FTO: variants seen among roughly 807,000 people sequenced by gnomAD.
The protein encoded by FTO is alpha-ketoglutarate-dependent dioxygenase FTO.
Under a neutral mutation model 63.9 loss-of-function variants are expected in FTO, and 47 were observed. The ratio of observed to expected loss-of-function variants is 0.74; its 90% CI spans 0.58 to 0.94. The LOEUF (loss-of-function observed/expected upper bound fraction) is 0.94, where lower values mean the gene tolerates loss of function less well. FTO is among the 40% of genes least tolerant of loss of function. FTO has a pLI of 0.00. For missense variants in FTO, 562 were observed against 618.1 expected, an observed-to-expected ratio of 0.91 and a Z score of 0.96; for synonymous variants, 207 against 224.4, an observed-to-expected ratio of 0.92 and a Z score of 0.69.
At chr16:54,102,678 T>C (rs1405531975) in intron 8 of FTO, among the ~76,000 whole-genome samples, 2 of 152,194 alleles carry the variant, frequency 1.3e-5, no homozygotes, top group Admixed American at 1.3e-4. Context: ...ATTGTTTATA[T>C]AGAAGCTGTC....
intron 8 of FTO, among the ~76,000 whole-genome samples, chr16:54,057,812 C>CAT (rs2144367261): frequency 6.6e-6 from 1 of 152,238 alleles, no homozygotes; most frequent in East Asian, 1.9e-4. Flanking sequence ...AGATGTGAGT[C>CAT]ATACCCTGGG....
Position 54,116,897 on chromosome 16 carries a change from C to G in FTO, c.*4982C>G, listed in dbSNP as rs563549708. ...GCTTTCCACCCCGGTTCCCAGGCAG[C>G]CCTGCTCCCATAGTCCTGTGTCCCA... On this transcript the variant is annotated 3_prime_UTR_variant, in exon 9 of 9. Transcript: ENST00000471389. 1.3e-5 allele frequency: 2 copies of G among 152,514 alleles called. No individual in the cohort carries two copies. The highest frequency in any genetic ancestry group is 2.9e-5 in the Non-Finnish European group (2 of 68,310). The allele number at this position is 152,514 out of a possible 1,614,324, so 9.4% of individuals were successfully genotyped here. A position where few individuals can be genotyped will look rare whatever the true frequency, so the allele number is the denominator to read the frequency against.
At chr16:53,795,920 C>T (rs1333746475) in intron 1 of FTO, among the ~76,000 whole-genome samples, 1 of 152,042 alleles carries the variant, frequency 6.6e-6, no homozygotes, top group African/African-American at 2.4e-5. Context: ...CAGATACTTT[C>T]AGATATAAAG....
intron 4 of FTO, among the ~76,000 whole-genome samples, chr16:53,852,101 C>CAAAAAAA (rs57004473): frequency 0.034 from 1,828 of 54,314 alleles, 176 homozygotes; most frequent in African/African-American, 0.084. Context: ...ACAAAAAATA[C>CAAAAAAA]AAAAAAAAAA....
At chr16:54,095,001 C>T (rs2086482650) in intron 8 of FTO, among the ~76,000 whole-genome samples, 1 of 152,138 alleles carries the variant, frequency 6.6e-6, no homozygotes, top group African/African-American at 2.4e-5. Context: ...TCCTCTCCAT[C>T]CCCTCTCTTT....
intron 8 of FTO, among the ~76,000 whole-genome samples, chr16:54,081,704 A>G (rs967785710): frequency 6.6e-6 from 1 of 152,212 alleles, no homozygotes; most frequent in Non-Finnish European, 1.5e-5. Context: ...CAGAAATTCA[A>G]AATGAACAGC....
At chr16:53,961,447 T>C (rs1016759569) in intron 8 of FTO, among the ~76,000 whole-genome samples, 1 of 152,206 alleles carries the variant, frequency 6.6e-6, no homozygotes, top group African/African-American at 2.4e-5. Context: ...GAAGTTTTTC[T>C]TTATGGTAAT....
In FTO at chr16:53,758,782, A is replaced by G. The variant is rs1348679739; in HGVS notation, c.46-51358A>G. Among the ~76,000 whole-genome samples the G allele has an allele frequency of 2.3e-4, 35 of 152,216 alleles. 1 individual carries two copies. On this transcript the variant is annotated intron_variant, in intron 1 of 8. Coordinates refer to ENST00000471389, the MANE Select transcript of FTO (RefSeq NM_001080432.3). ...AATTTCAAAACAAATTATAATTAAT[A>G]TTCCCAGAGAGATGAGAGAAAATAC...
At chr16:53,804,069 G>A (rs2078293319) in intron 1 of FTO, among the ~76,000 whole-genome samples, 1 of 152,194 alleles carries the variant, frequency 6.6e-6, no homozygotes, top group Non-Finnish European at 1.5e-5. Context: ...GGCTGTTTAT[G>A]TGCCAGACAC....
At chr16:53,866,960 T>A (rs1392916537) in intron 4 of FTO, among the ~76,000 whole-genome samples, 1 of 152,156 alleles carries the variant, frequency 6.6e-6, no homozygotes, top group Non-Finnish European at 1.5e-5. Context: ...CTTATTGATT[T>A]TAGATCTTTC....
chr16:54,103,339 A>G (rs913321590), intron 8 of FTO, among the ~76,000 whole-genome samples: 8 of 152,202 alleles, frequency 5.3e-5, no homozygotes, highest in African/African-American at 1.9e-4. Flanking sequence ...GTAGATGTAT[A>G]TACAACTGGA....
chr16:53,779,856 C>T (rs1394388729), intron 1 of FTO, among the ~76,000 whole-genome samples: 1 of 152,146 alleles, frequency 6.6e-6, no homozygotes, highest in Non-Finnish European at 1.5e-5. Flanking sequence ...ATCTAATCTT[C>T]ATGGTGATTT....
At chr16:53,822,925 T>G (rs551450988) in intron 2 of FTO, among the ~76,000 whole-genome samples, 24 of 152,302 alleles carry the variant, frequency 1.6e-4, no homozygotes, top group African/African-American at 5.5e-4. Flanking sequence ...TGTATCATTC[T>G]CATGAGTGTA....
chr16:54,053,181 T>C (rs2144341978), intron 8 of FTO, among the ~76,000 whole-genome samples: 2 of 152,272 alleles, frequency 1.3e-5, no homozygotes, highest in Middle Eastern at 6.8e-3. Context: ...AGAGATGAAA[T>C]TGCCAAAGAG....
intron 8 of FTO, among the ~76,000 whole-genome samples, chr16:53,986,517 C>T (rs543719389): frequency 2.0e-4 from 30 of 152,294 alleles, no homozygotes; most frequent in Non-Finnish European, 3.5e-4. Context: ...TATGCAATTA[C>T]TGGCATGTAA....
chr16:54,053,811 A>C (rs748241894), intron 8 of FTO, among the ~76,000 whole-genome samples: 2 of 152,206 alleles, frequency 1.3e-5, no homozygotes, highest in African/African-American at 2.4e-5. Flanking sequence ...TTACCCTCTG[A>C]GGATTGCTTT....
chr16:54,086,473 G>T (rs922670327), intron 8 of FTO, among the ~76,000 whole-genome samples: 2 of 151,872 alleles, frequency 1.3e-5, no homozygotes, highest in Non-Finnish European at 2.9e-5. Flanking sequence ...TGATTTCACC[G>T]AGCAGTTGTT....
At chr16:53,814,658 CTT>C (rs2078624115) in intron 2 of FTO, 1 of 152,476 alleles carries the variant, frequency 6.6e-6, no homozygotes, top group African/African-American at 2.4e-5. Context: ...TAACTCTGCT[CTT>C]GTCTCAAAGG....
intron 8 of FTO, among the ~76,000 whole-genome samples, chr16:53,941,037 A>G (rs1485635912): frequency 1.3e-5 from 2 of 152,232 alleles, no homozygotes; most frequent in African/African-American, 4.8e-5. Flanking sequence ...TCGGGGCTCA[A>G]CAAGTATAAC....
Sources: allele counts gnomAD v4.1 joint callset (sites outside exome capture counted in the v4.1 genomes callset), GRCh38; gene constraint gnomAD v4.1.1; transcripts MANE v1.5; gene names NCBI Gene and HGNC (gene_info 2026-07-23, HGNC 2026-07-21).